Variants in PRKN observed in about 807,000 individuals in gnomAD.
The protein encoded by PRKN is parkin RBR E3 ubiquitin protein ligase.
PRKN carries 56 observed loss-of-function variants against 59.5 expected under a neutral mutation model. The ratio of observed to expected loss-of-function variants is 0.94; its 90% CI spans 0.76 to 1.18. The LOEUF (loss-of-function observed/expected upper bound fraction) is 1.18. PRKN is among the 50% of genes most tolerant of loss of function. The probability of loss-of-function intolerance (pLI) is 0.00; values close to 1 mark genes in which losing one functional copy is unlikely to be tolerated. For synonymous variants in PRKN, 250 were observed against 222.1 expected (o/e 1.13, Z -1.12); for missense variants, 657 against 596.4 (o/e 1.10, Z -1.06).
chr6:161,802,926 T>C (rs908019033), intron 6 of PRKN, among the ~76,000 whole-genome samples: 44 of 152,048 alleles, frequency 2.9e-4, no homozygotes, highest in African/African-American at 1.1e-3. Context: ...ATTTTGGCCA[T>C]ATAATTACTT....
At chr6:161,803,246 T>C (rs1442244412) in intron 6 of PRKN, among the ~76,000 whole-genome samples, 1 of 152,232 alleles carries the variant, frequency 6.6e-6, no homozygotes, top group Non-Finnish European at 1.5e-5. Flanking sequence ...CATTTCCTAA[T>C]GAGGGCTCCT....
rs1377281346 is a variant in PRKN, at chr6:161,459,389, A to C, written c.1084-72512T>G. On this transcript the variant is annotated intron_variant, in intron 9 of 11. Coordinates refer to ENST00000366898, the MANE Select transcript of PRKN (RefSeq NM_004562.3). This position sits in a 1 kb window ranked among gnomAD's most constrained non-coding sequence, Gnocchi z 4.8. Reference sequence around the variant, plus strand: ...TAAGTAATTCATTTGGTTTTAGTTTACTTTTGAGAAAGTCCAAGCTGTGCA... The same window carrying C: ...TAAGTAATTCATTTGGTTTTAGTTTCCTTTTGAGAAAGTCCAAGCTGTGCA... Among the ~76,000 whole-genome samples, 1 of 152,192 alleles carries C rather than the reference A, an allele frequency of 6.6e-6. No homozygotes were observed. The highest frequency in any genetic ancestry group is 1.5e-5 in the Non-Finnish European group (1 of 68,038).
chr6:161,959,296 C>A (rs568609088), intron 6 of PRKN, among the ~76,000 whole-genome samples: 19 of 152,234 alleles, frequency 1.2e-4, no homozygotes, highest in African/African-American at 4.6e-4. Context: ...GCAGCCGCAC[C>A]GAGAGGCTGA....
intron 10 of PRKN, chr6:161,370,004 T>C (rs1785376227): frequency 2.2e-6 from 1 of 444,546 alleles, no homozygotes; most frequent in African/African-American, 2.0e-5. Flanking sequence ...GTGTGTTTTC[T>C]ATGATCACCA....
Position 161,548,950 on chromosome 6 carries a change from G to T in PRKN, c.987C>A (p.Gly329=), listed in dbSNP as rs768652293. The T allele has an allele frequency of 1.2e-6, 2 of 1,613,996 alleles. No individual in the cohort carries two copies. The highest frequency in any genetic ancestry group is 2.2e-5 in the East Asian group (1 of 44,860). The change falls in exon 9 of 12, where the codon GGC becomes GGA. Residue 329 remains glycine (G), a synonymous_variant. Coordinates refer to ENST00000366898, the MANE Select transcript of PRKN (RefSeq NM_004562.3). This position sits in a 1 kb window ranked among gnomAD's most constrained non-coding sequence, Gnocchi z 4.2. ...CACAGCCAGGGCGGGGGCATAACAC[G>T]CCCCCCATCTGCAGGACACACTCCT... ...GAEECVLQMG[G]VLCPRPGCGA... is the part of the protein sequence containing the mutation.
intron 1 of PRKN, among the ~76,000 whole-genome samples, chr6:162,709,768 T>A (rs1407351279): frequency 6.6e-6 from 1 of 152,082 alleles, no homozygotes; most frequent in African/African-American, 2.4e-5. Flanking sequence ...ATCTCAGACC[T>A]GACAGTTTTG....
intron 3 of PRKN, among the ~76,000 whole-genome samples, chr6:162,213,891 T>C (rs1459897288): frequency 6.7e-6 from 1 of 149,856 alleles, no homozygotes; most frequent in Non-Finnish European, 1.5e-5. Context: ...GAGTCTTATA[T>C]TGAAAGTTCT....
rs1265754663 is a variant in PRKN, at chr6:161,379,310, G to A, written c.1167+7484C>T. On this transcript the variant is annotated intron_variant, in intron 10 of 11. Coordinates refer to ENST00000366898, the MANE Select transcript of PRKN (RefSeq NM_004562.3). The surrounding 1 kb of genome is among the most constrained non-coding windows in gnomAD (Gnocchi z 4.9). ...TAGAGGTCTTCTCTAAGGGCGAGGG[G>A]AATCTAGAATGAGTAGGAGAGAAGG... is the stretch of plus-strand genomic sequence containing the variant. Among the ~76,000 whole-genome samples, 2 of 152,186 alleles carry A rather than the reference G, an allele frequency of 1.3e-5. No individual in the cohort carries two copies. Among genetic ancestry groups the A allele is most frequent in the African/African-American group, 4.8e-5 (2 of 41,434 alleles).
At chr6:162,374,836 T>C (rs777465193) in intron 2 of PRKN, among the ~76,000 whole-genome samples, 114 of 152,102 alleles carry the variant, frequency 7.5e-4, no homozygotes, top group Admixed American at 3.4e-3. Flanking sequence ...TGAAATATGG[T>C]TTCTGGTCAG....
chr6:161,749,909 G>T (rs972412757), intron 7 of PRKN, among the ~76,000 whole-genome samples: 2 of 151,998 alleles, frequency 1.3e-5, no homozygotes, highest in Admixed American at 6.6e-5. Context: ...AAACTCAACA[G>T]ATTTTATCCT....
intron 9 of PRKN, among the ~76,000 whole-genome samples, chr6:161,412,087 TCACTCATTCCTC>T (rs1787589115): frequency 6.7e-6 from 1 of 149,498 alleles, no homozygotes; most frequent in South Asian, 2.2e-4. Flanking sequence ...CATTCCTTCC[TCACTCATTCCTC>T]CACTCACTCA....
At chr6:162,190,570 G>A (rs899207595) in intron 4 of PRKN, among the ~76,000 whole-genome samples, 14 of 152,080 alleles carry the variant, frequency 9.2e-5, no homozygotes, top group African/African-American at 9.7e-5. Context: ...TTTCCCACCC[G>A]GCTTTACTGA....
At chr6:162,336,910 AC>A (rs1180444441) in intron 2 of PRKN, among the ~76,000 whole-genome samples, 1 of 152,164 alleles carries the variant, frequency 6.6e-6, no homozygotes, top group Non-Finnish European at 1.5e-5. Context: ...TGTTTTCATC[AC>A]TGGGGGAGAA....
chr6:161,504,206 C>T (rs966764055), intron 9 of PRKN, among the ~76,000 whole-genome samples: 2 of 152,154 alleles, frequency 1.3e-5, no homozygotes, highest in South Asian at 2.1e-4. Context: ...TGGGCTGAAC[C>T]GAACCACAAG....
At position 161,414,714 on chromosome 6, in the gene PRKN, G is replaced by A. The variant is rs973395370; in HGVS notation, c.1084-27837C>T. ...AGTAAGGTCATCTTTTCCTGATGAA[G>A]CCCCAAAGTGCAAAAGGCATGAAAG... On this transcript the variant is annotated intron_variant, in intron 9 of 11. Coordinates refer to ENST00000366898, the MANE Select transcript of PRKN (RefSeq NM_004562.3). This position sits in a 1 kb window ranked among gnomAD's most constrained non-coding sequence, Gnocchi z 5.3. Among the ~76,000 whole-genome samples, 7 of 152,114 alleles carry A rather than the reference G, an allele frequency of 4.6e-5. No individual in the cohort carries two copies. The highest frequency in any genetic ancestry group is 8.8e-5 in the Non-Finnish European group (6 of 68,020).
intron 1 of PRKN, among the ~76,000 whole-genome samples, chr6:162,507,407 C>T (rs1793657323): frequency 6.6e-6 from 1 of 151,944 alleles, no homozygotes; most frequent in South Asian, 2.1e-4. Context: ...TTCTTCCTGT[C>T]TCTCAAAAAA....
chr6:162,693,901 C>A (rs1215237706), intron 1 of PRKN, among the ~76,000 whole-genome samples: 1 of 152,074 alleles, frequency 6.6e-6, no homozygotes, highest in Non-Finnish European at 1.5e-5. Flanking sequence ...TATCTCTGTG[C>A]CTATTGACCT....
intron 6 of PRKN, among the ~76,000 whole-genome samples, chr6:161,883,488 G>T (rs1244748452): frequency 6.8e-6 from 1 of 147,746 alleles, no homozygotes; most frequent in Non-Finnish European, 1.5e-5. Flanking sequence ...CTCTGACAAA[G>T]GGAAGGGAAG....
chr6:161,852,907 G>A (rs2128222811), intron 6 of PRKN, among the ~76,000 whole-genome samples: 1 of 152,302 alleles, frequency 6.6e-6, no homozygotes, highest in Non-Finnish European at 1.5e-5. Context: ...TCAGAAACCA[G>A]AGGGAGGCCA....
Sources: gnomAD v4.1 joint callset for allele counts (sites outside exome capture counted in the v4.1 genomes callset) on GRCh38, gnomAD v4.1.1 for gene constraint, Gnocchi (gnomAD v3.1) non-coding constraint, MANE v1.5 for transcripts, NCBI Gene and HGNC (gene_info 2026-07-23, HGNC 2026-07-21) for gene names.